OSBPL10: variants seen among roughly 807,000 people sequenced by gnomAD.
OSBPL10 encodes oxysterol binding protein like 10.
A neutral mutation model predicts 81.7 loss-of-function variants in OSBPL10; 49 were observed. The observed-to-expected ratio is 0.60, with a 90% CI of 0.48 to 0.76. The LOEUF (loss-of-function observed/expected upper bound fraction) is 0.76, where lower values mean the gene tolerates loss of function less well. OSBPL10 is among the 30% of genes least tolerant of loss of function. OSBPL10 has a pLI of 0.00. For synonymous variants in OSBPL10, 419 were observed against 383.6 expected, an observed-to-expected ratio of 1.09 and a Z score of -1.08; for missense variants, 923 against 987.8, an observed-to-expected ratio of 0.93 and a Z score of 0.88.
intron 1 of OSBPL10, among the ~76,000 whole-genome samples, chr3:31,931,170 G>C (rs148922441): frequency 9.8e-4 from 149 of 151,796 alleles, no homozygotes; most frequent in East Asian, 4.6e-3. Flanking sequence ...GAAGGAAGGG[G>C]GAAACAATTC....
intron 1 of OSBPL10, among the ~76,000 whole-genome samples, chr3:31,938,778 G>C (rs776221816): frequency 6.6e-6 from 1 of 152,090 alleles, no homozygotes; most frequent in Admixed American, 6.6e-5. Context: ...ACAGGTGTGA[G>C]CCAACATGCC....
intron 2 of OSBPL10, among the ~76,000 whole-genome samples, chr3:32,016,256 C>T (rs925278593): frequency 6.6e-6 from 1 of 152,172 alleles, no homozygotes; most frequent in African/African-American, 2.4e-5. Context: ...CCATGGAATA[C>T]TATGCAGCTA....
At chr3:31,721,217 T>C (rs79344612) in intron 6 of OSBPL10, among the ~76,000 whole-genome samples, 2,534 of 152,308 alleles carry the variant, frequency 0.017, 58 homozygotes, top group African/African-American at 0.057. Flanking sequence ...GATTCTACCC[T>C]AGAGCGTTCA....
intron 4 of OSBPL10, among the ~76,000 whole-genome samples, chr3:31,783,656 T>A (rs1484737624): frequency 6.7e-6 from 1 of 149,222 alleles, no homozygotes; most frequent in East Asian, 2.0e-4. Context: ...CCAGGCATGG[T>A]GACAGGCACC....
At chr3:31,677,127 A>C (rs1156287048) in intron 8 of OSBPL10, among the ~76,000 whole-genome samples, 1 of 152,184 alleles carries the variant, frequency 6.6e-6, no homozygotes, top group African/African-American at 2.4e-5. Context: ...AGCATTATTT[A>C]CACCCAATCA....
At chr3:31,836,852 A>G (rs994354671) in intron 3 of OSBPL10, among the ~76,000 whole-genome samples, 3 of 152,178 alleles carry the variant, frequency 2.0e-5, no homozygotes, top group African/African-American at 7.2e-5. Flanking sequence ...TATTTTGAAA[A>G]CATGAAAAAT....
chr3:31,849,938 G>A (rs932767730), intron 3 of OSBPL10, among the ~76,000 whole-genome samples: 1 of 152,170 alleles, frequency 6.6e-6, no homozygotes, highest in African/African-American at 2.4e-5. Flanking sequence ...ACCGAAGTAA[G>A]CGGATCACCT....
intron 7 of OSBPL10, among the ~76,000 whole-genome samples, chr3:31,688,279 TCTCTCACACACACACACA>T (rs1700845944): frequency 1.3e-5 from 1 of 77,780 alleles, no homozygotes; most frequent in African/African-American, 3.3e-5. Flanking sequence ...TCTCTCTCTC[TCTCTCACACACACACACA>T]CACACACACA....
intron 1 of OSBPL10, among the ~76,000 whole-genome samples, chr3:31,894,491 A>T (rs1695998044): frequency 6.6e-6 from 1 of 152,214 alleles, no homozygotes; most frequent in Non-Finnish European, 1.5e-5. Context: ...CCATACACTC[A>T]TCTGTTTATT....
At chr3:31,676,131 G>A (rs1445929693) in intron 8 of OSBPL10, among the ~76,000 whole-genome samples, 1 of 151,976 alleles carries the variant, frequency 6.6e-6, no homozygotes, top group Non-Finnish European at 1.5e-5. Flanking sequence ...AGTCCTGGGG[G>A]AGGTCAGTGA....
chr3:31,961,049 T>C (rs1698147644), intron 1 of OSBPL10, among the ~76,000 whole-genome samples: 1 of 994 alleles, frequency 1.0e-3, no homozygotes, highest in Admixed American at 0.017. Flanking sequence ...GCTACAGCCT[T>C]TTTTTTTTTT....
At chr3:31,833,688 A>AACACGC (rs57555641) in intron 3 of OSBPL10, among the ~76,000 whole-genome samples, 2 of 141,536 alleles carry the variant, frequency 1.4e-5, no homozygotes, top group Non-Finnish European at 3.0e-5. Context: ...TTGTAGGGAA[A>AACACGC]ACACGCACAC....
chr3:31,778,135 T>A (rs1007513010), intron 4 of OSBPL10, among the ~76,000 whole-genome samples: 6 of 152,172 alleles, frequency 3.9e-5, no homozygotes, highest in African/African-American at 1.4e-4. Flanking sequence ...TGGGGAAATT[T>A]ATAGCCTGGG....
At chr3:31,903,346 T>TTTA (rs1553639104) in intron 1 of OSBPL10, among the ~76,000 whole-genome samples, 1 of 150,968 alleles carries the variant, frequency 6.6e-6, no homozygotes, top group Non-Finnish European at 1.5e-5. Flanking sequence ...TTTTTTTTTT[T>TTTA]AGACAAGGTC....
chr3:31,772,155 A>G (rs994872293), intron 4 of OSBPL10, among the ~76,000 whole-genome samples: 2 of 152,232 alleles, frequency 1.3e-5, no homozygotes, highest in African/African-American at 4.8e-5. Context: ...CTAGGGAAAT[A>G]CAGGGTTAGG....
At chr3:31,857,839 A>T (rs1485189696) in intron 3 of OSBPL10, among the ~76,000 whole-genome samples, 1 of 67,044 alleles carries the variant, frequency 1.5e-5, no homozygotes, top group Non-Finnish European at 2.8e-5. Flanking sequence ...AGGGAGAGGG[A>T]AAGAGGGAGG....
intron 3 of OSBPL10, among the ~76,000 whole-genome samples, chr3:31,854,047 T>C (rs891850264): frequency 6.6e-6 from 1 of 152,212 alleles, no homozygotes; most frequent in African/African-American, 2.4e-5. Context: ...GTTTGATAGA[T>C]GCTGGCATAA....
chr3:32,026,011 C>T (rs528876526), intron 2 of OSBPL10, among the ~76,000 whole-genome samples: 10 of 128,364 alleles, frequency 7.8e-5, no homozygotes, highest in African/African-American at 3.1e-4. Flanking sequence ...TATATACAGA[C>T]ATAGATAGAT....
chr3:31,808,415 T>C (rs1275804872), intron 4 of OSBPL10, among the ~76,000 whole-genome samples: 2 of 152,214 alleles, frequency 1.3e-5, no homozygotes, highest in East Asian at 1.9e-4. Context: ...AGTATCTCTA[T>C]CCAAGGTGAT....
Sources: gnomAD v4.1 joint callset for allele counts (sites outside exome capture counted in the v4.1 genomes callset) on GRCh38, gnomAD v4.1.1 for gene constraint, MANE v1.5 for transcripts, NCBI Gene and HGNC (gene_info 2026-07-23, HGNC 2026-07-21) for gene names.